NR2F1-AS1: variants seen among roughly 807,000 people sequenced by gnomAD.
NR2F1-AS1 encodes the protein NR2F1 antisense RNA 1.
At chr5:93,562,195 AAAAAG>A (rs1554072352) in intron 2 of NR2F1-AS1, among the ~76,000 whole-genome samples, 80 of 136,718 alleles carry the variant, frequency 5.9e-4, no homozygotes, top group East Asian at 2.8e-3. Flanking sequence ...AAAAAAAAAA[AAAAAG>A]AAAAGAAAAG....
intron 4 of NR2F1-AS1, among the ~76,000 whole-genome samples, chr5:93,496,901 G>T (rs1750971869): frequency 6.6e-6 from 1 of 152,158 alleles, no homozygotes; most frequent in South Asian, 2.1e-4. Flanking sequence ...CTTTCTAAGT[G>T]TTTGCTTTAG....
Position 93,455,079 on chromosome 5 carries a change from G to A in NR2F1-AS1, n.639-59537C>T, listed in dbSNP as rs987758138. On this transcript the variant is annotated intron_variant and non_coding_transcript_variant, in intron 4 of 5. Transcript: ENST00000660523. ...GATTTACAGCTGGTTAGTCAAAAGT[G>A]CAAGTCACAACCTGGACTTGTGGCT... Among the ~76,000 whole-genome samples, 7 of 152,182 alleles carry A rather than the reference G, an allele frequency of 4.6e-5. No individual in the cohort carries two copies. In the East Asian group the frequency reaches 1.2e-3, roughly 25 times the overall value.
intron 4 of NR2F1-AS1, among the ~76,000 whole-genome samples, chr5:93,495,716 C>T (rs1360579039): frequency 3.3e-5 from 5 of 151,820 alleles, no homozygotes; most frequent in Non-Finnish European, 5.9e-5. Context: ...TTTATATATA[C>T]AAACATGATT....
chr5:93,514,588 T>C (rs898020290), intron 4 of NR2F1-AS1, among the ~76,000 whole-genome samples: 2 of 152,064 alleles, frequency 1.3e-5, no homozygotes, highest in Non-Finnish European at 2.9e-5. Context: ...CATTCAGCAA[T>C]CAATAAGAAC....
At chr5:93,444,075 G>A (rs1025457119) in intron 4 of NR2F1-AS1, among the ~76,000 whole-genome samples, 5 of 152,118 alleles carry the variant, frequency 3.3e-5, no homozygotes, top group East Asian at 3.8e-4. Flanking sequence ...AGGCACAACC[G>A]GTACCAGCCA....
At chr5:93,581,908 GTCTCTCTCTC>G (rs368238145), upstream of NR2F1-AS1, among the ~76,000 whole-genome samples, 3 of 39,672 alleles carry the variant, frequency 7.6e-5, no homozygotes, top group African/African-American at 3.4e-4. Context: ...CTCTCTCTGG[GTCTCTCTCTC>G]TCTCTCTCTC....
chr5:93,522,577 T>G (rs377727113), intron 4 of NR2F1-AS1, among the ~76,000 whole-genome samples: 86 of 152,308 alleles, frequency 5.6e-4, no homozygotes, highest in African/African-American at 2.0e-3. Context: ...TAGGAAGAGC[T>G]CTGGTCAGCA....
At chr5:93,504,865 T>C (rs1221560672) in intron 4 of NR2F1-AS1, among the ~76,000 whole-genome samples, 1 of 152,046 alleles carries the variant, frequency 6.6e-6, no homozygotes, top group Non-Finnish European at 1.5e-5. Context: ...AGCCAAACCA[T>C]ATCATCCTGC....
intron 4 of NR2F1-AS1, among the ~76,000 whole-genome samples, chr5:93,454,558 C>T (rs1411661854): frequency 6.6e-6 from 1 of 152,134 alleles, no homozygotes; most frequent in Non-Finnish European, 1.5e-5. Flanking sequence ...TTGTAATTTC[C>T]TAAGTGATAG....
chr5:93,519,053 T>C (rs1448479540), intron 4 of NR2F1-AS1, among the ~76,000 whole-genome samples: 1 of 151,992 alleles, frequency 6.6e-6, no homozygotes, highest in African/African-American at 2.4e-5. Context: ...ATAAGAAAAA[T>C]TTGCATATGG....
chr5:93,457,913 T>C (rs114545147), intron 4 of NR2F1-AS1, among the ~76,000 whole-genome samples: 2,571 of 152,316 alleles, frequency 0.017, 77 homozygotes, highest in African/African-American at 0.059. Context: ...GGTGCTTTTC[T>C]TTGCATCTCT....
intron 4 of NR2F1-AS1, among the ~76,000 whole-genome samples, chr5:93,526,075 T>G (rs772584958): frequency 7.8e-4 from 119 of 152,270 alleles, no homozygotes; most frequent in Non-Finnish European, 1.4e-3. Context: ...AAGCTGGATT[T>G]CTTAAATGAT....
chr5:93,453,125 A>G (rs1371308789), intron 4 of NR2F1-AS1, among the ~76,000 whole-genome samples: 3 of 152,176 alleles, frequency 2.0e-5, no homozygotes, highest in Non-Finnish European at 4.4e-5. Context: ...AATAATGAAG[A>G]TATTTTTAAA....
intron 4 of NR2F1-AS1, among the ~76,000 whole-genome samples, chr5:93,491,575 T>C (rs1255086971): frequency 6.6e-6 from 1 of 152,102 alleles, no homozygotes; most frequent in Non-Finnish European, 1.5e-5. Context: ...CAGAAGAGAT[T>C]AGCATTTTAA....
At chr5:93,420,079 C>A (rs1749056703) in intron 4 of NR2F1-AS1, among the ~76,000 whole-genome samples, 1 of 152,008 alleles carries the variant, frequency 6.6e-6, no homozygotes, top group Non-Finnish European at 1.5e-5. Flanking sequence ...ACCCATAATC[C>A]CTGCTATTCG....
intron 4 of NR2F1-AS1, among the ~76,000 whole-genome samples, chr5:93,531,272 A>G (rs567167692): frequency 6.6e-6 from 1 of 151,422 alleles, no homozygotes; most frequent in South Asian, 2.1e-4. Flanking sequence ...AAGATCACCT[A>G]TGAAGTAAGA....
chr5:93,578,461 G>C (rs1002371681), intron 1 of NR2F1-AS1, among the ~76,000 whole-genome samples: 2 of 152,036 alleles, frequency 1.3e-5, no homozygotes, highest in African/African-American at 4.8e-5. Context: ...CAGGAAGGCA[G>C]AGGAAGGAAG....
At chr5:93,542,663 G>A (rs1751979773) in intron 4 of NR2F1-AS1, 1 of 152,120 alleles carries the variant, frequency 6.6e-6, no homozygotes, top group Admixed American at 6.6e-5. Flanking sequence ...CCAAATCCTG[G>A]GTGAAGTAAA....
intron 4 of NR2F1-AS1, among the ~76,000 whole-genome samples, chr5:93,491,351 G>T (rs903483539): frequency 1.3e-5 from 2 of 150,812 alleles, no homozygotes; most frequent in Non-Finnish European, 3.0e-5. Flanking sequence ...TTGTGGTTAT[G>T]GTGGTAGTGG....
Sources: allele counts gnomAD v4.1 joint callset (sites outside exome capture counted in the v4.1 genomes callset), GRCh38; gene constraint gnomAD v4.1.1; transcripts MANE v1.5; gene names NCBI Gene and HGNC (gene_info 2026-07-23, HGNC 2026-07-21).